The following KALRN variants were observed in gnomAD, a reference collection of about 807,000 sequenced individuals.
The protein encoded by KALRN is kalirin.
Under a neutral mutation model 353.7 loss-of-function variants are expected in KALRN, and 70 were observed. The observed-to-expected ratio is 0.20, with a 90% CI of 0.16 to 0.24. KALRN has a LOEUF of 0.24. Among genes scored for constraint, KALRN ranks in the 10% least tolerant of loss-of-function variants. The probability of loss-of-function intolerance (pLI) is 1.00; values close to 1 mark genes in which losing one functional copy is unlikely to be tolerated. For synonymous variants in KALRN, 1,391 were observed against 1,434.8 expected, an observed-to-expected ratio of 0.97 and a Z score of 0.69; for missense variants, 2,791 against 3,756.7, an observed-to-expected ratio of 0.74 and a Z score of 6.72.
intron 1 of KALRN, among the ~76,000 whole-genome samples, chr3:124,068,008 C>T (rs2042519143): frequency 6.6e-6 from 1 of 152,206 alleles, no homozygotes; most frequent in Non-Finnish European, 1.5e-5. Context: ...TTAAGGAGGT[C>T]AAACCATGGG....
chr3:124,694,284 T>C (rs2061956679), intron 52 of KALRN, 48 bp from the exon 53 acceptor site: 1 of 1,580,032 alleles, frequency 6.3e-7, no homozygotes, highest in African/African-American at 1.3e-5. Flanking sequence ...GGCCATTTTA[T>C]TCTAAATTTG....
intron 37 of KALRN, 95 bp from the exon 38 acceptor site, chr3:124,650,713 T>A (rs2083313551): frequency 7.8e-7 from 1 of 1,278,682 alleles, no homozygotes; most frequent in Non-Finnish European, 1.1e-6. Flanking sequence ...GGCTACTGAT[T>A]TTCCATGTTG....
At chr3:124,108,755 T>C (rs1176746967) in intron 1 of KALRN, among the ~76,000 whole-genome samples, 1 of 152,190 alleles carries the variant, frequency 6.6e-6, no homozygotes, top group Non-Finnish European at 1.5e-5. Context: ...ATTAATCTTA[T>C]TTTCTGTGAA....
intron 32 of KALRN, among the ~76,000 whole-genome samples, chr3:124,494,534 G>A (rs73860506): frequency 0.01 from 1,586 of 152,282 alleles, 33 homozygotes; most frequent in African/African-American, 0.035. Flanking sequence ...TTTGAAATGC[G>A]TCACATAAAG....
chr3:124,467,687 T>C (rs967933693), intron 25 of KALRN, among the ~76,000 whole-genome samples: 13 of 152,118 alleles, frequency 8.5e-5, no homozygotes, highest in African/African-American at 3.1e-4. Flanking sequence ...AGAGGTCTCA[T>C]TGTCGCACTC....
rs114394843 is a variant in KALRN at position 124,288,620 on chromosome 3, T to G, written c.970-10171T>G. 5.5e-3 allele frequency among the ~76,000 whole-genome samples: 844 copies of G among 152,292 alleles called. 5 individuals carry two copies. The highest frequency in any genetic ancestry group is 9.2e-3 in the Non-Finnish European group (628 of 68,030). On this transcript the variant is annotated intron_variant, in intron 5 of 59. Transcript: ENST00000682506. Reference sequence around the variant, plus strand: ...GTAGGGGTTGGTTTTTGTTTTCTTTTTATTATTTTGACTGAGATAATGACA... The same window carrying G: ...GTAGGGGTTGGTTTTTGTTTTCTTTGTATTATTTTGACTGAGATAATGACA...
intron 10 of KALRN, among the ~76,000 whole-genome samples, chr3:124,355,903 T>C (rs1357155707): frequency 5.9e-5 from 9 of 151,850 alleles, no homozygotes; most frequent in Non-Finnish European, 1.2e-4. Context: ...TCAGTAGAGA[T>C]GGGGTTTCAC....
chr3:124,244,969 AG>A (rs1409688480), intron 3 of KALRN, among the ~76,000 whole-genome samples: 1 of 152,194 alleles, frequency 6.6e-6, no homozygotes, highest in Non-Finnish European at 1.5e-5. Flanking sequence ...CCATCATCTC[AG>A]AAATTTATCA....
chr3:124,502,260 G>T (rs1291826049), intron 33 of KALRN, among the ~76,000 whole-genome samples: 1 of 152,188 alleles, frequency 6.6e-6, no homozygotes, highest in South Asian at 2.1e-4. Context: ...GTGCTCCTAC[G>T]GGGGGAAAGA....
rs536956592 is a variant in KALRN at position 124,369,117 on chromosome 3, A to G, written c.1771-15728A>G. ...TTTGTCCTTTGCCTTACACCAATCT[A>G]TTTTATTGTATTTCTCCAAGCATTC... On this transcript the variant is annotated intron_variant, in intron 10 of 59. Transcript: ENST00000682506. Among the ~76,000 whole-genome samples the G allele has an allele frequency of 1.3e-3, 194 of 152,302 alleles. 2 individuals are homozygous for G. Among genetic ancestry groups the G allele is most frequent in the African/African-American group, 4.6e-3 (193 of 41,564 alleles).
At chr3:124,320,255 C>G (rs1458489152) in intron 6 of KALRN, among the ~76,000 whole-genome samples, 3 of 152,160 alleles carry the variant, frequency 2.0e-5, no homozygotes, top group African/African-American at 4.8e-5. Flanking sequence ...GACAGGGCCC[C>G]TTTAGGGAAA....
intron 1 of KALRN, among the ~76,000 whole-genome samples, chr3:124,069,448 T>C (rs2042668193): frequency 6.6e-6 from 1 of 151,980 alleles, no homozygotes; most frequent in Non-Finnish European, 1.5e-5. Context: ...TGTCCCTCTA[T>C]GTCGTGCACA....
chr3:124,579,562 T>C (rs1285031383), intron 34 of KALRN, among the ~76,000 whole-genome samples: 2 of 152,178 alleles, frequency 1.3e-5, no homozygotes, highest in African/African-American at 4.8e-5. Context: ...AAAAGGAATG[T>C]ATAAGCGAGG....
chr3:124,221,579 A>G (rs2077909936), intron 1 of KALRN, among the ~76,000 whole-genome samples: 1 of 152,196 alleles, frequency 6.6e-6, no homozygotes, highest in Non-Finnish European at 1.5e-5. Flanking sequence ...AGAGGAAATG[A>G]CACATTAGAG....
At chr3:124,261,230 C>T (rs769331035) in intron 3 of KALRN, among the ~76,000 whole-genome samples, 4 of 152,044 alleles carry the variant, frequency 2.6e-5, no homozygotes, top group Non-Finnish European at 5.9e-5. Context: ...TTTCGCTTAG[C>T]CACTTACTAG....
chr3:124,076,650 G>A (rs1188880764), intron 1 of KALRN, among the ~76,000 whole-genome samples: 1 of 152,196 alleles, frequency 6.6e-6, no homozygotes, highest in African/African-American at 2.4e-5. Flanking sequence ...TTCTCTAGAG[G>A]TTGTGAACTC....
At chr3:124,282,379 CTTTT>C (rs34148546) in intron 5 of KALRN, among the ~76,000 whole-genome samples, 1 of 134,798 alleles carries the variant, frequency 7.4e-6, no homozygotes, top group Non-Finnish European at 1.6e-5. Context: ...CTACATTTTT[CTTTT>C]TTTTTTTTTT....
At chr3:124,130,180 A>G (rs1039569142) in intron 1 of KALRN, among the ~76,000 whole-genome samples, 9 of 152,186 alleles carry the variant, frequency 5.9e-5, no homozygotes, top group South Asian at 4.1e-4. Flanking sequence ...GCCGTCTTTA[A>G]TATTTTCCAG....
intron 1 of KALRN, among the ~76,000 whole-genome samples, chr3:124,079,603 C>T (rs140101671): frequency 8.2e-4 from 125 of 152,256 alleles, no homozygotes; most frequent in African/African-American, 2.9e-3. Context: ...ATTGATTCTG[C>T]AGTCAAAATA....
Sources: allele counts gnomAD v4.1 joint callset (sites outside exome capture counted in the v4.1 genomes callset), GRCh38; gene constraint gnomAD v4.1.1; transcripts MANE v1.5; gene names NCBI Gene and HGNC (gene_info 2026-07-23, HGNC 2026-07-21).